METTL25: variants seen among roughly 807,000 people sequenced by gnomAD.
METTL25 encodes probable methyltransferase-like protein 25.
METTL25 carries 64 observed loss-of-function variants against 71.6 expected under a neutral mutation model. The ratio of observed to expected loss-of-function variants is 0.89; its 90% CI spans 0.73 to 1.10. The LOEUF (loss-of-function observed/expected upper bound fraction) is 1.10, where lower values mean the gene tolerates loss of function less well. Among genes scored for constraint, METTL25 ranks in the 50% least tolerant of loss-of-function variants. METTL25 has a pLI of 0.00. For synonymous variants in METTL25, 287 were observed against 250.3 expected (o/e 1.15, Z -1.38); for missense variants, 807 against 707.0 (o/e 1.14, Z -1.60).
At position 82,386,985 on chromosome 12, in the gene METTL25, T is replaced by C; in HGVS notation, c.424+18T>C. On this transcript the variant is annotated intron_variant, in intron 2 of 11. Transcript: ENST00000248306. ...GAGAATTGGTATGTCTATTTATGTG[T>C]GTGTATGTGTGCTTTTTAGGTACTT... is the stretch of plus-strand genomic sequence containing the variant. 1 of 1,593,308 alleles carries C rather than the reference T, an allele frequency of 6.3e-7. No homozygotes were observed. Among genetic ancestry groups the C allele is most frequent in the South Asian group, 1.1e-5 (1 of 89,140 alleles).
chr12:82,452,055 A>G (rs943443157), intron 8 of METTL25, among the ~76,000 whole-genome samples: 2 of 152,136 alleles, frequency 1.3e-5, no homozygotes, highest in African/African-American at 4.8e-5. Flanking sequence ...TTACATTAAT[A>G]CTTCTACATG....
At chr12:82,424,277 A>T (rs1158857804) in intron 5 of METTL25, among the ~76,000 whole-genome samples, 1 of 152,086 alleles carries the variant, frequency 6.6e-6, no homozygotes, top group African/African-American at 2.4e-5. Context: ...TCAGCAAACT[A>T]TCGCAAGGAC....
At chr12:82,473,944 T>C (rs1892724344) in intron 9 of METTL25, among the ~76,000 whole-genome samples, 1 of 152,084 alleles carries the variant, frequency 6.6e-6, no homozygotes, top group Non-Finnish European at 1.5e-5. Flanking sequence ...GGTGTAGAGG[T>C]AGTGTTACTG....
intron 8 of METTL25, among the ~76,000 whole-genome samples, chr12:82,454,316 A>G (rs1338188712): frequency 6.6e-6 from 1 of 152,044 alleles, no homozygotes; most frequent in African/African-American, 2.4e-5. Flanking sequence ...TGGTGTTTCC[A>G]AAGCAGAGGG....
At chr12:82,397,099 T>C (rs767310182) in intron 3 of METTL25, among the ~76,000 whole-genome samples, 3 of 152,116 alleles carry the variant, frequency 2.0e-5, no homozygotes, top group Non-Finnish European at 4.4e-5. Context: ...TGTTTTCATT[T>C]CTCTTAGATA....
At chr12:82,383,769 G>T (rs544759366) in intron 1 of METTL25, among the ~76,000 whole-genome samples, 1 of 151,720 alleles carries the variant, frequency 6.6e-6, no homozygotes, top group East Asian at 1.9e-4. Context: ...AATATTATAT[G>T]TTTTTCTGCC....
chr12:82,464,296 G>A (rs1257702944), intron 9 of METTL25, among the ~76,000 whole-genome samples: 1 of 151,754 alleles, frequency 6.6e-6, no homozygotes, highest in Non-Finnish European at 1.5e-5. Context: ...TATAGGATGA[G>A]AGGTGAGGTG....
At chr12:82,442,493 A>C (rs1296128369) in intron 8 of METTL25, among the ~76,000 whole-genome samples, 1 of 152,186 alleles carries the variant, frequency 6.6e-6, no homozygotes, top group African/African-American at 2.4e-5. Context: ...GTTATATACC[A>C]TATGATTCTA....
intron 6 of METTL25, among the ~76,000 whole-genome samples, 170 bp downstream of exon 6, chr12:82,431,157 C>T (rs190261046): frequency 1.3e-5 from 2 of 151,436 alleles, no homozygotes; most frequent in Non-Finnish European, 3.0e-5. Context: ...ACAATATCCA[C>T]TCTACATGCA....
Position 82,456,737 on chromosome 12 carries a change from G to T in METTL25, c.1489G>T (p.Val497Phe). 1.3e-6 allele frequency: 2 copies of T among 1,594,204 alleles called. No individual in the cohort carries two copies. Among genetic ancestry groups the T allele is most frequent in the Admixed American group, 1.7e-5 (1 of 57,452 alleles). The change falls in exon 9 of 12, where the codon GTT becomes TTT. Residue 497 changes from valine (V) to phenylalanine (F), a missense_variant. Transcript: ENST00000248306. ...AATTTTGTTTTACAGTGATCGGCAT[G>T]TTGGTAAAATTTATTCCAAATGTTC... ...CYGITKCDRH[V>F]GKIYSKCSSF...
chr12:82,423,869 T>C (rs945556910), intron 5 of METTL25, among the ~76,000 whole-genome samples: 5 of 152,140 alleles, frequency 3.3e-5, no homozygotes, highest in Admixed American at 3.3e-4. Flanking sequence ...TAGTGATCAT[T>C]AAAAAGTCAG....
At chr12:82,428,170 A>T (rs1266901827) in intron 5 of METTL25, among the ~76,000 whole-genome samples, 1 of 151,880 alleles carries the variant, frequency 6.6e-6, no homozygotes, top group East Asian at 2.0e-4. Context: ...CGTGACCTGG[A>T]ATTTGCACAT....
At chr12:82,407,867 A>T in intron 5 of METTL25, 1 of 985,246 alleles carries the variant, frequency 1.0e-6, no homozygotes, top group Non-Finnish European at 1.2e-6. Context: ...AACCAGATGG[A>T]AAAGGTAACA....
chr12:82,421,940 G>C (rs1340877385), intron 5 of METTL25, among the ~76,000 whole-genome samples: 1 of 152,152 alleles, frequency 6.6e-6, no homozygotes, highest in Non-Finnish European at 1.5e-5. Flanking sequence ...AGGACCTGAC[G>C]GATTCACAGC....
At chr12:82,419,764 G>A (rs1888312548) in intron 5 of METTL25, among the ~76,000 whole-genome samples, 1 of 150,144 alleles carries the variant, frequency 6.7e-6, no homozygotes, top group Non-Finnish European at 1.5e-5. Context: ...CTGTTGGGAG[G>A]AATGTAAATT....
chr12:82,428,978 G>T (rs1306372049), intron 5 of METTL25, among the ~76,000 whole-genome samples: 1 of 151,816 alleles, frequency 6.6e-6, no homozygotes, highest in Non-Finnish European at 1.5e-5. Context: ...CACAGAATGT[G>T]TAATGATCAA....
chr12:82,391,623 A>C (rs1939113359), intron 3 of METTL25, among the ~76,000 whole-genome samples: 1 of 151,746 alleles, frequency 6.6e-6, no homozygotes, highest in Non-Finnish European at 1.5e-5. Flanking sequence ...TTTATCCATA[A>C]ATTCATTGAT....
intron 1 of METTL25, among the ~76,000 whole-genome samples, chr12:82,362,201 A>G (rs1238654672): frequency 6.6e-6 from 1 of 152,178 alleles, no homozygotes; most frequent in Non-Finnish European, 1.5e-5. Context: ...TGTTCGTCTA[A>G]AAAGAACTAG....
At chr12:82,424,243 G>A (rs1405026657) in intron 5 of METTL25, among the ~76,000 whole-genome samples, 3 of 152,112 alleles carry the variant, frequency 2.0e-5, no homozygotes, top group African/African-American at 7.2e-5. Context: ...GTAGGGATAT[G>A]GATGAAGCTG....
Sources: gnomAD v4.1 joint callset for allele counts (sites outside exome capture counted in the v4.1 genomes callset) on GRCh38, gnomAD v4.1.1 for gene constraint, MANE v1.5 for transcripts, NCBI Gene and HGNC (gene_info 2026-07-23, HGNC 2026-07-21) for gene names.